The following ILDR2 variants were observed in gnomAD, a reference collection of about 807,000 sequenced individuals.
ILDR2 encodes the protein immunoglobulin-like domain-containing receptor 2.
A neutral mutation model predicts 66.8 loss-of-function variants in ILDR2; 25 were observed. That is an observed-to-expected ratio of 0.37 (90% CI 0.27 to 0.52). The LOEUF (loss-of-function observed/expected upper bound fraction) is 0.52, where lower values mean the gene tolerates loss of function less well. Among genes scored for constraint, ILDR2 ranks in the 20% least tolerant of loss-of-function variants. The pLI, the probability that ILDR2 is intolerant of heterozygous loss-of-function variation, is 0.88. For synonymous variants in ILDR2, 367 were observed against 357.2 expected (o/e 1.03, Z -0.31); for missense variants, 827 against 876.8 (o/e 0.94, Z 0.72).
rs557388265 is a variant in ILDR2 at position 166,909,436 on chromosome 1, T to C, written c.*9919A>G. ...GCTACTCCAGGATCTCTCTAATAGA[T>C]GAGCTCCATTTCTCCTTTTCTTGTT... is the stretch of plus-strand genomic sequence containing the variant. On this transcript the variant is annotated 3_prime_UTR_variant, in exon 10 of 10. Coordinates refer to ENST00000271417, the MANE Select transcript of ILDR2 (RefSeq NM_199351.3). 4 of 152,214 alleles carry C rather than the reference T, an allele frequency of 2.6e-5. No homozygotes were observed. The highest frequency in any genetic ancestry group is 3.9e-4 in the East Asian group (2 of 5,172). The allele number at this position is 152,214 out of a possible 1,614,324, so 9.4% of individuals were successfully genotyped here. A position where few individuals can be genotyped will look rare whatever the true frequency, so the allele number is the denominator to read the frequency against.
intron 3 of ILDR2, among the ~76,000 whole-genome samples, chr1:166,954,580 GTC>G (rs1662165095): frequency 1.3e-5 from 2 of 152,184 alleles, no homozygotes; most frequent in Admixed American, 6.5e-5. Flanking sequence ...GCCCTAGCAT[GTC>G]TCTGTTTCAT....
intron 6 of ILDR2, among the ~76,000 whole-genome samples, chr1:166,934,700 C>T (rs146265233): frequency 8.5e-4 from 130 of 152,334 alleles, no homozygotes; most frequent in African/African-American, 3.0e-3. Flanking sequence ...ACTGTGTTCT[C>T]CCAGCTCTGG....
At chr1:166,974,614 A>G (rs1307349164) in intron 1 of ILDR2, among the ~76,000 whole-genome samples, 3 of 152,180 alleles carry the variant, frequency 2.0e-5, no homozygotes, top group Non-Finnish European at 4.4e-5. Context: ...ACCACTCCCC[A>G]AATGATACCA....
chr1:166,956,419 C>T (rs1201934890), intron 3 of ILDR2, among the ~76,000 whole-genome samples: 1 of 141,050 alleles, frequency 7.1e-6, no homozygotes, highest in Non-Finnish European at 1.5e-5. Context: ...TCAAAATTAG[C>T]ATATAACAAG....
At chr1:166,964,038 A>G (rs1040165501) in intron 1 of ILDR2, among the ~76,000 whole-genome samples, 1 of 152,164 alleles carries the variant, frequency 6.6e-6, no homozygotes, top group Admixed American at 6.5e-5. Flanking sequence ...AGAGAGAGGC[A>G]CCTTAGGAGA....
At chr1:166,953,159 C>G (rs1158052610) in intron 3 of ILDR2, among the ~76,000 whole-genome samples, 1 of 152,090 alleles carries the variant, frequency 6.6e-6, no homozygotes, top group African/African-American at 2.4e-5. Flanking sequence ...CTATGAAGAG[C>G]CCCTGGTCTC....
chr1:166,922,918 C>T, intron 7 of ILDR2, 109 bp from the exon 8 acceptor site: 1 of 891,012 alleles, frequency 1.1e-6, no homozygotes, highest in South Asian at 1.5e-5. Context: ...ACTCCTGCCT[C>T]ATTGCTGTCC....
At position 166,913,763 on chromosome 1, in the gene ILDR2, CAAG is replaced by C. The variant is rs1342396785; in HGVS notation, c.*5589_*5591del. 3.3e-5 allele frequency: 5 copies of C among 152,160 alleles called. No individual in the cohort carries two copies. Among genetic ancestry groups the C allele is most frequent in the South Asian group, 4.1e-4 (2 of 4,828 alleles). The allele number at this position is 152,160 out of a possible 1,614,324, so 9.4% of individuals were successfully genotyped here. On this transcript the variant is annotated 3_prime_UTR_variant, in exon 10 of 10. Transcript: ENST00000271417. ...GTCGTTTCATTCAGAAACTTCTCTG[CAAG>C]AAGGATTCTCCAGAAAACCTGAAGC...
intron 3 of ILDR2, among the ~76,000 whole-genome samples, chr1:166,946,412 AT>A (rs1447499353): frequency 6.6e-6 from 1 of 152,184 alleles, no homozygotes; most frequent in South Asian, 2.1e-4. Flanking sequence ...CTGAAACCGA[AT>A]TCTATCCATA....
chr1:166,933,715 A>G lies in ILDR2; in HGVS notation c.880+1586T>C, dbSNP rs75395952. ...TGGGAAGAAAGATTAGAAAAAAGACAAAGAGTATGAGATAAGTTCCACTAA... is the reference window on the plus strand; with the variant it reads ...TGGGAAGAAAGATTAGAAAAAAGACGAAGAGTATGAGATAAGTTCCACTAA... On this transcript the variant is annotated intron_variant, in intron 6 of 9. Coordinates refer to ENST00000271417, the MANE Select transcript of ILDR2 (RefSeq NM_199351.3). Among the ~76,000 whole-genome samples the G allele has an allele frequency of 1.0e-3, 157 of 152,326 alleles. 2 individuals carry two copies. In the East Asian group the frequency reaches 0.03, roughly 29 times the overall value.
At chr1:166,950,533 G>A (rs1661912799) in intron 3 of ILDR2, among the ~76,000 whole-genome samples, 1 of 152,094 alleles carries the variant, frequency 6.6e-6, no homozygotes, top group Non-Finnish European at 1.5e-5. Flanking sequence ...AGGTGTGGGG[G>A]CATTTCTGCA....
At chr1:166,899,402 AAAAAG>A (rs1029180640) in intron 2 of ILDR2, among the ~76,000 whole-genome samples, 12 of 152,134 alleles carry the variant, frequency 7.9e-5, no homozygotes, top group African/African-American at 2.2e-4. Context: ...CAAAAAAAAA[AAAAAG>A]AAAAGAAAAG....
At chr1:166,901,245 T>C (rs1418822053) in intron 2 of ILDR2, among the ~76,000 whole-genome samples, 2 of 152,190 alleles carry the variant, frequency 1.3e-5, no homozygotes, top group African/African-American at 4.8e-5. Context: ...ACAACAACGA[T>C]TGAAAATAAA....
At chr1:166,922,418 C>T (rs1660005465) in intron 8 of ILDR2, among the ~76,000 whole-genome samples, 175 bp downstream of exon 8, 1 of 152,154 alleles carries the variant, frequency 6.6e-6, no homozygotes, top group Non-Finnish European at 1.5e-5. Context: ...CACAAGTGTT[C>T]CCTGTCTTGA....
At chr1:166,924,365 C>T (rs1234815171) in intron 7 of ILDR2, among the ~76,000 whole-genome samples, 1 of 152,118 alleles carries the variant, frequency 6.6e-6, no homozygotes, top group Non-Finnish European at 1.5e-5. Context: ...ATTGTTGGCT[C>T]AGAACTTTCC....
Position 166,924,995 on chromosome 1 carries a change from G to A in ILDR2, c.994+2072C>T, listed in dbSNP as rs1334189245. The stretch of plus-strand genomic sequence containing the variant: ...TGCGCCACTGCACTCCAGCCTGGGT[G>A]ACAGAGCAAGACCTTGTCTCAAAAA... On this transcript the variant is annotated intron_variant, in intron 7 of 9. Transcript: ENST00000271417. 5.9e-5 allele frequency among the ~76,000 whole-genome samples: 9 copies of A among 152,218 alleles called. No homozygotes were observed. The East Asian group carries it at 1.5e-3, about 26-fold the overall frequency.
exon 3 of ILDR2, chr1:166,896,089 C>T (rs1659162249): frequency 6.6e-6 from 1 of 152,216 alleles, no homozygotes; most frequent in Non-Finnish European, 1.5e-5. Context: ...GTAGCTTCTG[C>T]TTCTGCTGTT....
chr1:166,956,878 G>A lies in ILDR2; in HGVS notation c.380-26C>T. The A allele has an allele frequency of 2.5e-6, 4 of 1,610,254 alleles. No individual in the cohort carries two copies. The East Asian group carries it at 8.9e-5, about 36-fold the overall frequency. The stretch of plus-strand genomic sequence containing the variant: ...CTGTTATCACAAAAAGAAGGACTCA[G>A]TCCTAAAACTCTGTCCTCTGAAAGA... On this transcript the variant is annotated intron_variant, in intron 2 of 9. Coordinates refer to ENST00000271417, the MANE Select transcript of ILDR2 (RefSeq NM_199351.3).
intron 6 of ILDR2, among the ~76,000 whole-genome samples, chr1:166,931,311 T>C (rs1313253641): frequency 1.3e-5 from 2 of 152,222 alleles, no homozygotes; most frequent in Non-Finnish European, 2.9e-5. Context: ...GCCTTGTTCT[T>C]CCTGTCCTAT....
Sources: allele counts gnomAD v4.1 joint callset (sites outside exome capture counted in the v4.1 genomes callset), GRCh38; gene constraint gnomAD v4.1.1; transcripts MANE v1.5; gene names NCBI Gene and HGNC (gene_info 2026-07-23, HGNC 2026-07-21).